The following RARB variants were observed in gnomAD, a reference collection of about 807,000 sequenced individuals.
RARB encodes the protein retinoic acid receptor beta.
In RARB, 17 loss-of-function variants were observed where a neutral mutation model predicts 51.9. The ratio of observed to expected loss-of-function variants is 0.33; its 90% CI spans 0.22 to 0.49. RARB has a LOEUF of 0.49. RARB is among the 20% of genes least tolerant of loss of function. RARB has a pLI of 0.99. For synonymous variants in RARB, 215 were observed against 195.4 expected, an observed-to-expected ratio of 1.10 and a Z score of -0.84; for missense variants, 369 against 550.8, an observed-to-expected ratio of 0.67 and a Z score of 3.30.
At chr3:25,218,440 T>C (rs945871856) in intron 5 of RARB, among the ~76,000 whole-genome samples, 12 of 152,084 alleles carry the variant, frequency 7.9e-5, no homozygotes, top group African/African-American at 2.7e-4. Flanking sequence ...TTGTGAAAAG[T>C]GTCATTGTAA....
rs574369183 is a variant in RARB at position 25,461,425 on chromosome 3, C to G, written c.306+84C>G. The G allele has an allele frequency of 7.0e-4, 1,035 of 1,473,794 alleles. 2 individuals carry two copies. Among genetic ancestry groups the G allele is most frequent in the Middle Eastern group, 4.7e-3 (26 of 5,552 alleles). The allele number at this position is 1,473,794 out of a possible 1,614,324, so 91.3% of individuals were successfully genotyped here. On this transcript the variant is annotated intron_variant, in intron 2 of 7. Transcript: ENST00000330688. Reference sequence around the variant, plus strand: ...TGACCTACCCAGTTCCAAAAATGGGCTGGATGTGTAACATCACCTCCCATA... The same window carrying G: ...TGACCTACCCAGTTCCAAAAATGGGGTGGATGTGTAACATCACCTCCCATA...
chr3:25,525,411 A>G (rs1698605559), intron 3 of RARB, among the ~76,000 whole-genome samples: 1 of 152,072 alleles, frequency 6.6e-6, no homozygotes, highest in South Asian at 2.1e-4. Context: ...TGCCTCCCAT[A>G]CTCAAAAACA....
At chr3:25,460,085 A>G (rs1294069502) in intron 1 of RARB, among the ~76,000 whole-genome samples, 2 of 152,198 alleles carry the variant, frequency 1.3e-5, no homozygotes, top group Admixed American at 6.5e-5. Context: ...AATAAAGAGT[A>G]ACATGACTTA....
At chr3:24,940,645 T>G (rs1335899245) in intron 2 of RARB, among the ~76,000 whole-genome samples, 1 of 152,100 alleles carries the variant, frequency 6.6e-6, no homozygotes, top group South Asian at 2.1e-4. Flanking sequence ...TTCCTGTCCA[T>G]GTGTGTTCTT....
At chr3:24,859,304 G>T (rs557100426) in intron 2 of RARB, among the ~76,000 whole-genome samples, 2 of 152,134 alleles carry the variant, frequency 1.3e-5, no homozygotes, top group East Asian at 1.9e-4. Context: ...GTTGGGGAGA[G>T]AGTTGTGACT....
chr3:25,460,752 T>G (rs1292609472), intron 1 of RARB, among the ~76,000 whole-genome samples: 1 of 152,134 alleles, frequency 6.6e-6, no homozygotes, highest in Non-Finnish European at 1.5e-5. Flanking sequence ...AAATTTACTT[T>G]TGGTTAAGTG....
intron 2 of RARB, among the ~76,000 whole-genome samples, chr3:24,952,304 A>G (rs1695911757): frequency 6.6e-6 from 1 of 152,154 alleles, no homozygotes; most frequent in Admixed American, 6.5e-5. Flanking sequence ...TAGTCTAACA[A>G]ATATTTTCTT....
intron 2 of RARB, among the ~76,000 whole-genome samples, chr3:24,995,434 C>A: frequency 6.6e-6 from 1 of 152,058 alleles, no homozygotes; most frequent in East Asian, 1.9e-4. Flanking sequence ...TTGGCTTCTT[C>A]CTTTCCAGTT....
chr3:25,475,873 T>C (rs936017866), intron 2 of RARB, among the ~76,000 whole-genome samples: 1 of 152,352 alleles, frequency 6.6e-6, no homozygotes, highest in African/African-American at 2.4e-5. Context: ...ATTTTAGTTA[T>C]GGTAAGGCCA....
chr3:24,891,998 G>T, intron 2 of RARB, among the ~76,000 whole-genome samples: 1 of 152,072 alleles, frequency 6.6e-6, no homozygotes, highest in South Asian at 2.1e-4. Context: ...CTAGAGGACT[G>T]CAGAGAATAC....
chr3:25,596,464 A>G lies in RARB; in HGVS notation c.1195A>G (p.Met399Val). Reference sequence around the variant, plus strand: ...CTTGAAAATGGAAATTCCTGGATCAATGCCACCTCTCATTCAAGAAATGCT... The same window carrying G: ...CTTGAAAATGGAAATTCCTGGATCAGTGCCACCTCTCATTCAAGAAATGCT... ...ITLKMEIPGS[M>V]PPLIQEMLEN... Residue 399 changes from methionine to valine, a missense_variant, in exon 8 of 8, where the codon ATG (methionine) becomes GTG (valine). Coordinates refer to ENST00000330688, the MANE Select transcript of RARB (RefSeq NM_000965.5). The G allele has an allele frequency of 6.2e-7, 1 of 1,613,678 alleles. No homozygotes were observed. Among genetic ancestry groups the G allele is most frequent in the Non-Finnish European group, 8.5e-7 (1 of 1,179,590 alleles).
chr3:25,242,082 A>G (rs1468425355), intron 5 of RARB, among the ~76,000 whole-genome samples: 1 of 152,004 alleles, frequency 6.6e-6, no homozygotes, highest in African/African-American at 2.4e-5. Context: ...TTCTTTTCAT[A>G]TGTTTTTTGG....
chr3:25,066,071 T>C (rs536635406), intron 3 of RARB, among the ~76,000 whole-genome samples: 15 of 152,346 alleles, frequency 9.8e-5, no homozygotes, highest in East Asian at 3.9e-4. Flanking sequence ...GGTGTTTTTT[T>C]CTGAATAACC....
intron 3 of RARB, among the ~76,000 whole-genome samples, chr3:25,558,238 C>A (rs1489588438): frequency 6.6e-6 from 1 of 152,148 alleles, no homozygotes; most frequent in Non-Finnish European, 1.5e-5. Context: ...CTCCTCTTAA[C>A]CTTCCCCACC....
At chr3:25,485,290 A>C (rs925560321) in intron 2 of RARB, among the ~76,000 whole-genome samples, 4 of 152,338 alleles carry the variant, frequency 2.6e-5, no homozygotes, top group African/African-American at 7.2e-5. Context: ...TAGGAGGTCA[A>C]CTTGGGGCAC....
At chr3:24,987,381 G>C (rs1696816891) in intron 2 of RARB, among the ~76,000 whole-genome samples, 1 of 152,184 alleles carries the variant, frequency 6.6e-6, no homozygotes, top group Admixed American at 6.5e-5. Flanking sequence ...AAAGAGAGCA[G>C]CAAAGAAGAA....
intron 5 of RARB, among the ~76,000 whole-genome samples, chr3:25,178,441 C>G (rs1211883550): frequency 1.3e-5 from 2 of 151,980 alleles, no homozygotes; most frequent in Non-Finnish European, 2.9e-5. Context: ...TACAGAAGTT[C>G]CATTTTACAG....
intron 2 of RARB, among the ~76,000 whole-genome samples, chr3:24,905,237 C>T (rs1396189893): frequency 6.6e-6 from 1 of 152,052 alleles, no homozygotes; most frequent in East Asian, 1.9e-4. Flanking sequence ...TCTTCCTTAC[C>T]CTGGGCCCTG....
At chr3:25,417,507 A>G (rs940745492) in intron 5 of RARB, among the ~76,000 whole-genome samples, 2 of 152,176 alleles carry the variant, frequency 1.3e-5, no homozygotes, top group African/African-American at 4.8e-5. Context: ...AAGTCTCACA[A>G]AATCCAATGG....
Sources: gnomAD v4.1 joint callset for allele counts (sites outside exome capture counted in the v4.1 genomes callset) on GRCh38, gnomAD v4.1.1 for gene constraint, MANE v1.5 for transcripts, NCBI Gene and HGNC (gene_info 2026-07-23, HGNC 2026-07-21) for gene names.